Variants in LOC400499 observed in about 807,000 individuals in gnomAD.
chr16:11,431,988 G>A, the LOC400499 span, among the ~76,000 whole-genome samples: 1 of 152,176 alleles, frequency 6.6e-6, no homozygotes, highest in South Asian at 2.1e-4. Flanking sequence ...TTGGAACCCA[G>A]CCACCTGGTA....
chr16:11,439,298 T>C, the LOC400499 span, among the ~76,000 whole-genome samples: 1 of 152,090 alleles, frequency 6.6e-6, no homozygotes, highest in African/African-American at 2.4e-5. Flanking sequence ...AAATGATGGA[T>C]GTGGAAACCT....
chr16:11,430,773 A>G, the LOC400499 span, among the ~76,000 whole-genome samples: 1 of 152,168 alleles, frequency 6.6e-6, no homozygotes, highest in Non-Finnish European at 1.5e-5. Context: ...GGAGATATAC[A>G]ATGTCCATTA....
chr16:11,518,790 C>G, the LOC400499 span: 2 of 397,952 alleles, frequency 5.0e-6, no homozygotes, highest in Non-Finnish European at 8.9e-6. Flanking sequence ...ACCAATTGTC[C>G]TAATCTAATT....
the LOC400499 span, among the ~76,000 whole-genome samples, chr16:11,419,073 G>C: frequency 6.6e-6 from 1 of 152,164 alleles, no homozygotes; most frequent in Non-Finnish European, 1.5e-5. Flanking sequence ...GGCTGAAGCG[G>C]TGGAATCTCT....
chr16:11,453,492 C>T, the LOC400499 span, among the ~76,000 whole-genome samples: 2 of 152,094 alleles, frequency 1.3e-5, no homozygotes, highest in Non-Finnish European at 2.9e-5. Context: ...GTAACTTATA[C>T]TCTAAGAGAA....
At chr16:11,434,703 G>A in the LOC400499 span, among the ~76,000 whole-genome samples, 1 of 152,218 alleles carries the variant, frequency 6.6e-6, no homozygotes, top group African/African-American at 2.4e-5. Flanking sequence ...ACTGGCCCTG[G>A]CTTGGAATTC....
chr16:11,422,739 CAA>C, the LOC400499 span, among the ~76,000 whole-genome samples: 3 of 152,152 alleles, frequency 2.0e-5, no homozygotes, highest in African/African-American at 7.2e-5. Context: ...GCAGACAGGA[CAA>C]AGAGAAAGGC....
chr16:11,427,885 G>A, the LOC400499 span, among the ~76,000 whole-genome samples: 1 of 152,184 alleles, frequency 6.6e-6, no homozygotes, highest in African/African-American at 2.4e-5. Context: ...GGTGTAAGGT[G>A]TTCTGATGTC....
At chr16:11,476,962 G>A in the LOC400499 span, 1 of 399,358 alleles carries the variant, frequency 2.5e-6, no homozygotes, top group Non-Finnish European at 4.4e-6. Context: ...GGACAGGCAT[G>A]TACCAGCTGC....
chr16:11,445,347 G>A, the LOC400499 span, among the ~76,000 whole-genome samples: 7,556 of 152,080 alleles, frequency 0.05, 780 homozygotes, highest in East Asian at 0.24. Context: ...CTTGAACCTG[G>A]GAGGCCGAGG....
chr16:11,437,332 G>A, the LOC400499 span, among the ~76,000 whole-genome samples: 5 of 152,202 alleles, frequency 3.3e-5, no homozygotes, highest in East Asian at 9.6e-4. Context: ...ACCAAGGCAG[G>A]AGGACTGCTG....
the LOC400499 span, among the ~76,000 whole-genome samples, chr16:11,476,256 G>A: frequency 1.3e-5 from 2 of 151,896 alleles, no homozygotes; most frequent in Non-Finnish European, 2.9e-5. Context: ...AAAGAATATG[G>A]GTAGGTGGGG....
At chr16:11,375,880 C>T in the LOC400499 span, among the ~76,000 whole-genome samples, 1 of 152,110 alleles carries the variant, frequency 6.6e-6, no homozygotes, top group Non-Finnish European at 1.5e-5. Flanking sequence ...CACGCATGCA[C>T]CACCATGCCC....
the LOC400499 span, among the ~76,000 whole-genome samples, chr16:11,416,519 C>T: frequency 6.6e-6 from 1 of 152,318 alleles, no homozygotes; most frequent in South Asian, 2.1e-4. Flanking sequence ...TCGATACCTA[C>T]TATGCACCCT....
the LOC400499 span, among the ~76,000 whole-genome samples, chr16:11,395,604 GGGA>G: frequency 6.6e-6 from 1 of 152,236 alleles, no homozygotes; most frequent in East Asian, 1.9e-4. Context: ...ATGCCGGGAA[GGGA>G]GGGAACTCCC....
At chr16:11,399,559 C>T in the LOC400499 span, 3 of 398,756 alleles carry the variant, frequency 7.5e-6, no homozygotes, top group East Asian at 7.1e-5. Context: ...GCGTGAAGGC[C>T]CCGCAGGCCT....
the LOC400499 span, among the ~76,000 whole-genome samples, chr16:11,483,053 A>G: frequency 2.6e-5 from 4 of 152,362 alleles, no homozygotes; most frequent in South Asian, 8.3e-4. Context: ...AAATGAGCAC[A>G]TGAAAAGATT....
chr16:11,423,112 G>A, the LOC400499 span: 11 of 399,076 alleles, frequency 2.8e-5, no homozygotes, highest in Middle Eastern at 1.2e-3. Flanking sequence ...TGATCAGGCT[G>A]TGCCAGCCCC....
the LOC400499 span, chr16:11,460,090 G>C: frequency 1.5e-6 from 2 of 1,310,966 alleles, no homozygotes; most frequent in Non-Finnish European, 1.9e-6. Flanking sequence ...GCCCATGGAG[G>C]CCCTGCCCAC....
Sources: allele counts gnomAD v4.1 joint callset (sites outside exome capture counted in the v4.1 genomes callset), GRCh38; gene constraint gnomAD v4.1.1; transcripts MANE v1.5.